Variants in PCDHA9 observed in about 807,000 individuals in gnomAD.
The protein encoded by PCDHA9 is protocadherin alpha 9, also known as protocadherin alpha-9.
PCDHA9 carries 62 observed loss-of-function variants against 62.0 expected under a neutral mutation model. That is an observed-to-expected ratio of 1.00 (90% CI 0.81 to 1.23). PCDHA9 has a LOEUF of 1.23. Among genes scored for constraint, PCDHA9 ranks in the 50% most tolerant of loss-of-function variants. The probability of loss-of-function intolerance (pLI) is 0.00; values close to 1 mark genes in which losing one functional copy is unlikely to be tolerated. For missense variants in PCDHA9, 1,205 were observed against 1,249.8 expected (o/e 0.96, Z 0.54); for synonymous variants, 557 against 567.6 (o/e 0.98, Z 0.27).
chr5:140,879,879 G>A lies in PCDHA9; in HGVS notation c.2394+28990G>A, dbSNP rs564256513. Among the ~76,000 whole-genome samples the A allele has an allele frequency of 4.6e-5, 7 of 152,240 alleles. No individual in the cohort carries two copies. In the South Asian group the frequency reaches 1.5e-3, roughly 32 times the overall value. On this transcript the variant is annotated intron_variant, in intron 1 of 3. Coordinates refer to ENST00000532602, the MANE Select transcript of PCDHA9 (RefSeq NM_031857.2). ...CCTTCTCAGCTTTCATGGTCACATT[G>A]CCTCCTCCTCTCCATGTCTCTCTCT... is the stretch of plus-strand genomic sequence containing the variant.
chr5:140,851,270 A>G lies in PCDHA9; in HGVS notation c.2394+381A>G. On this transcript the variant is annotated intron_variant, in intron 1 of 3. Transcript: ENST00000532602. ...ATGCATAGTATTTTAGTCTACTTGTATTGTTTATAAGAAACCCAAGCAAAA... is the reference window on the plus strand; with the variant it reads ...ATGCATAGTATTTTAGTCTACTTGTGTTGTTTATAAGAAACCCAAGCAAAA... The G allele has an allele frequency of 9.4e-6, 10 of 1,065,088 alleles. 1 individual carries two copies. Among genetic ancestry groups the G allele is most frequent in the Non-Finnish European group, 1.1e-5 (9 of 851,818 alleles). 66.0% of individuals were successfully genotyped at this position (1,065,088 alleles called of 1,614,324 possible).
At chr5:140,937,302 G>T (rs1554211521) in intron 1 of PCDHA9, among the ~76,000 whole-genome samples, 4 of 152,094 alleles carry the variant, frequency 2.6e-5, no homozygotes, top group African/African-American at 9.7e-5. Flanking sequence ...CTCCCAAAGT[G>T]CTGGGATTAC....
chr5:140,984,230 A>C (rs1329517544), intron 3 of PCDHA9, among the ~76,000 whole-genome samples: 1 of 152,112 alleles, frequency 6.6e-6, no homozygotes, highest in Non-Finnish European at 1.5e-5. Flanking sequence ...GCTCTTATGG[A>C]GGCATTGTAG....
At chr5:141,004,976 A>G (rs1554259837) in intron 3 of PCDHA9, among the ~76,000 whole-genome samples, 1 of 152,248 alleles carries the variant, frequency 6.6e-6, no homozygotes, top group Non-Finnish European at 1.5e-5. Flanking sequence ...GTAAATTTGC[A>G]GTATCATTAT....
chr5:140,897,340 C>T, intron 1 of PCDHA9, among the ~76,000 whole-genome samples: 1 of 122,942 alleles, frequency 8.1e-6, no homozygotes, highest in Non-Finnish European at 1.6e-5. Context: ...CCCCTCCCCC[C>T]ACCCCACAAC....
chr5:140,907,690 G>C (rs761914004), intron 1 of PCDHA9, among the ~76,000 whole-genome samples: 1 of 152,196 alleles, frequency 6.6e-6, no homozygotes, highest in African/African-American at 2.4e-5. Context: ...TTGGTGAGTG[G>C]AAGTCCCTGT....
intron 1 of PCDHA9, among the ~76,000 whole-genome samples, chr5:140,921,791 A>G (rs1170709759): frequency 3.9e-5 from 6 of 152,160 alleles, no homozygotes; most frequent in Non-Finnish European, 5.9e-5. Context: ...GATGTTCTAG[A>G]TAACACAAGA....
intron 1 of PCDHA9, chr5:140,869,887 C>T (rs782219538): frequency 3.7e-6 from 6 of 1,610,056 alleles, no homozygotes; most frequent in Non-Finnish European, 3.4e-6. Flanking sequence ...AACTCTTGTG[C>T]TCAAACTAAA....
chr5:140,888,886 T>TA (rs2062023222), intron 1 of PCDHA9, among the ~76,000 whole-genome samples: 1 of 152,036 alleles, frequency 6.6e-6, no homozygotes, highest in South Asian at 2.1e-4. Flanking sequence ...ATTAAAACAT[T>TA]AGAATTGAGG....
Position 140,877,800 on chromosome 5 carries a change from T to G in PCDHA9, c.2394+26911T>G. 2.5e-6 allele frequency: 4 copies of G among 1,613,522 alleles called. No homozygotes were observed. In the Middle Eastern group the frequency reaches 5.0e-4, roughly 200 times the overall value. On this transcript the variant is annotated intron_variant, in intron 1 of 3. Transcript: ENST00000532602. ...ACCTCATGGCCTTCAGCCCAAGCCT[T>G]CAGCTGTCTCGAGAAGATTGTTTAA...
At chr5:140,887,236 AC>A (rs1394086851) in intron 1 of PCDHA9, among the ~76,000 whole-genome samples, 1 of 151,804 alleles carries the variant, frequency 6.6e-6, no homozygotes, top group Non-Finnish European at 1.5e-5. Flanking sequence ...AGCTGAGACT[AC>A]CGGCGCCCGC....
At chr5:140,867,903 A>C (rs1010800579) in intron 1 of PCDHA9, 1 of 152,144 alleles carries the variant, frequency 6.6e-6, no homozygotes, top group Non-Finnish European at 1.5e-5. Flanking sequence ...TACTTACAGA[A>C]GGTATAATTA....
At chr5:140,970,408 A>G (rs1292683019) in intron 1 of PCDHA9, among the ~76,000 whole-genome samples, 1 of 152,202 alleles carries the variant, frequency 6.6e-6, no homozygotes, top group Admixed American at 6.5e-5. Context: ...GGCTTACCCT[A>G]CAGTAAGGTG....
intron 1 of PCDHA9, among the ~76,000 whole-genome samples, chr5:140,952,087 C>T (rs2094684318): frequency 6.6e-6 from 1 of 152,162 alleles, no homozygotes. Context: ...CTCCATGTCT[C>T]ACATCCAGGG....
In PCDHA9 at chr5:140,853,104, C is replaced by T. The variant is rs1299242689; in HGVS notation, c.2394+2215C>T. 2.1e-5 allele frequency: 8 copies of T among 388,186 alleles called. 1 individual carries two copies. The highest frequency in any genetic ancestry group is 4.4e-5 in the African/African-American group (2 of 45,392). 24.0% of individuals were successfully genotyped at this position (388,186 alleles called of 1,614,324 possible). A position where few individuals can be genotyped will look rare whatever the true frequency, so the allele number is the denominator to read the frequency against. ...CCGTGTTAGTCAGGATGGTCTCGAT[C>T]TCCTGACCTCATGATCCTCCCGCCT... On this transcript the variant is annotated intron_variant, in intron 1 of 3. Coordinates refer to ENST00000532602, the MANE Select transcript of PCDHA9 (RefSeq NM_031857.2).
Position 140,850,855 on chromosome 5 carries a change from G to A in PCDHA9, c.2360G>A (p.Gly787Glu), listed in dbSNP as rs1484311028. 1 of 1,595,156 alleles carries A rather than the reference G, an allele frequency of 6.3e-7. No individual in the cohort carries two copies. Among genetic ancestry groups the A allele is most frequent in the Non-Finnish European group, 8.6e-7 (1 of 1,165,490 alleles). Residue 787 changes from glycine (G) to glutamate (E), a missense_variant, in exon 1 of 4, where the codon GGA becomes GAA. This residue lies in a region of PCDHA9 where 887 missense variants were observed against 809.5 expected (regional missense o/e 1.10). Coordinates refer to ENST00000532602, the MANE Select transcript of PCDHA9 (RefSeq NM_031857.2). ...SPCAGSTERT[G>E]EPSASSDSTG... Reference sequence around the variant, plus strand: ...TGTGCTGGATCTACAGAGCGAACGGGAGAACCCTCTGCTTCCTCAGATTCA... The same window carrying A: ...TGTGCTGGATCTACAGAGCGAACGGAAGAACCCTCTGCTTCCTCAGATTCA...
At chr5:141,003,173 G>A (rs782452600) in intron 3 of PCDHA9, among the ~76,000 whole-genome samples, 6 of 152,174 alleles carry the variant, frequency 3.9e-5, no homozygotes, top group Non-Finnish European at 5.9e-5. Context: ...AGTCCCTGAG[G>A]CTCAACTCCA....
At chr5:140,952,352 A>G (rs2094730295) in intron 1 of PCDHA9, among the ~76,000 whole-genome samples, 1 of 103,372 alleles carries the variant, frequency 9.7e-6, no homozygotes, top group Non-Finnish European at 2.0e-5. Flanking sequence ...AAAAAAAAAA[A>G]AAGAAAGAAA....
chr5:140,849,743 G>A lies in PCDHA9; in HGVS notation c.1248G>A (p.Glu416=), dbSNP rs1554143245. ...TGCTGGACAGAGCTCTGGACCGCGA[G>A]AGTGTGTCCGCCTACGAGCTGGTGG... ...SLVLDRALDR[E]SVSAYELVVT... is the part of the protein sequence containing the mutation. The change falls in exon 1 of 4, where the codon GAG becomes GAA. Residue 416 remains glutamate, a synonymous_variant. Transcript: ENST00000532602. 4 of 1,598,390 alleles carry A rather than the reference G, an allele frequency of 2.5e-6. No individual in the cohort carries two copies. The Admixed American group carries it at 6.7e-5, about 27-fold the overall frequency.
Sources: gnomAD v4.1 joint callset for allele counts (sites outside exome capture counted in the v4.1 genomes callset) on GRCh38, gnomAD v4.1.1 for gene constraint, gnomAD v4.1.1 regional missense constraint, MANE v1.5 for transcripts, NCBI Gene and HGNC (gene_info 2026-07-23, HGNC 2026-07-21) for gene names.